The following CCSER1 variants were observed in gnomAD, a reference collection of about 807,000 sequenced individuals.
CCSER1 encodes coiled-coil serine rich protein 1.
In CCSER1, 41 loss-of-function variants were observed where a neutral mutation model predicts 82.0. The ratio of observed to expected loss-of-function variants is 0.50; its 90% CI spans 0.39 to 0.65. The LOEUF (loss-of-function observed/expected upper bound fraction) is 0.65, where lower values mean the gene tolerates loss of function less well. Among genes scored for constraint, CCSER1 ranks in the 30% least tolerant of loss-of-function variants. The pLI is 0.00. For synonymous variants in CCSER1, 414 were observed against 383.9 expected (o/e 1.08, Z -0.92); for missense variants, 1,119 against 1,064.2 (o/e 1.05, Z -0.72).
chr4:90,671,155 ATG>A (rs1732723850), intron 6 of CCSER1, among the ~76,000 whole-genome samples: 1 of 152,034 alleles, frequency 6.6e-6, no homozygotes, highest in East Asian at 1.9e-4. Flanking sequence ...CTTGATGTTG[ATG>A]GCTGCTGATA....
At chr4:90,689,952 C>T (rs1292878116) in intron 6 of CCSER1, among the ~76,000 whole-genome samples, 1 of 152,044 alleles carries the variant, frequency 6.6e-6, no homozygotes, top group Non-Finnish European at 1.5e-5. Context: ...GGGGAGAGGA[C>T]ATCAGTATGC....
rs117366180 is a variant in CCSER1, at chr4:91,220,138, C to T, written c.2217+134144C>T. Among the ~76,000 whole-genome samples, 39 of 152,294 alleles carry T rather than the reference C, an allele frequency of 2.6e-4. No individual in the cohort carries two copies. The East Asian group carries it at 7.0e-3, about 27-fold the overall frequency. ...TTGAACTATACTGGGCATGTTAAAA[C>T]GTAGGCCAAAGGTAGCAAGTGACAG... On this transcript the variant is annotated intron_variant, in intron 10 of 10. Transcript: ENST00000509176.
At chr4:90,576,090 C>T (rs978700664) in intron 5 of CCSER1, among the ~76,000 whole-genome samples, 2 of 151,598 alleles carry the variant, frequency 1.3e-5, no homozygotes, top group African/African-American at 2.4e-5. Flanking sequence ...GGGTTGTCTT[C>T]GTTTTGCTTA....
chr4:91,094,375 G>C (rs1305392652), intron 10 of CCSER1, among the ~76,000 whole-genome samples: 1 of 152,188 alleles, frequency 6.6e-6, no homozygotes, highest in Non-Finnish European at 1.5e-5. Flanking sequence ...CATCCTTCAA[G>C]TCCAGACAAG....
intron 4 of CCSER1, among the ~76,000 whole-genome samples, chr4:90,415,398 T>C (rs1755642450): frequency 1.3e-5 from 2 of 152,200 alleles, no homozygotes; most frequent in Admixed American, 1.3e-4. Flanking sequence ...TAAAATCGAT[T>C]AACTTTTTTT....
intron 3 of CCSER1, among the ~76,000 whole-genome samples, chr4:90,352,691 TAC>T (rs375028931): frequency 2.0e-5 from 3 of 150,738 alleles, no homozygotes; most frequent in East Asian, 1.9e-4. Flanking sequence ...TATGTATATA[TAC>T]ACACACACAC....
At chr4:90,227,567 G>A (rs183828491) in intron 1 of CCSER1, among the ~76,000 whole-genome samples, 44 of 152,280 alleles carry the variant, frequency 2.9e-4, no homozygotes, top group Admixed American at 9.2e-4. Flanking sequence ...GGAATTTTCC[G>A]AGCAAGTAGC....
chr4:90,430,013 G>GT (rs1410087671), intron 4 of CCSER1, among the ~76,000 whole-genome samples: 1 of 151,736 alleles, frequency 6.6e-6, no homozygotes, highest in African/African-American at 2.4e-5. Context: ...CAAACCTGAT[G>GT]TTCGTAGAAT....
At chr4:90,410,865 G>C (rs1410921992) in intron 4 of CCSER1, among the ~76,000 whole-genome samples, 1 of 152,114 alleles carries the variant, frequency 6.6e-6, no homozygotes, top group African/African-American at 2.4e-5. Flanking sequence ...CAACAAAATT[G>C]ATAGACCACT....
intron 10 of CCSER1, among the ~76,000 whole-genome samples, chr4:91,427,934 A>C (rs565336316): frequency 6.6e-6 from 1 of 151,982 alleles, no homozygotes; most frequent in Non-Finnish European, 1.5e-5. Flanking sequence ...CCAGGGATAT[A>C]GCTTTTATTT....
At chr4:91,026,880 G>A (rs1237883742) in intron 9 of CCSER1, among the ~76,000 whole-genome samples, 1 of 152,006 alleles carries the variant, frequency 6.6e-6, no homozygotes. Context: ...ATAAAAACTG[G>A]ATGCATTTAC....
intron 5 of CCSER1, among the ~76,000 whole-genome samples, chr4:90,562,528 A>C (rs1346281527): frequency 6.6e-6 from 1 of 152,058 alleles, no homozygotes; most frequent in Non-Finnish European, 1.5e-5. Flanking sequence ...ACACAGATAC[A>C]TTTTATTTTT....
At chr4:90,567,014 A>T (rs1016637299) in intron 5 of CCSER1, among the ~76,000 whole-genome samples, 7 of 110,908 alleles carry the variant, frequency 6.3e-5, no homozygotes, top group African/African-American at 3.8e-4. Context: ...TTGCTTACTT[A>T]AAAAAAAAAA....
chr4:90,599,839 C>A (rs571472265), intron 5 of CCSER1, among the ~76,000 whole-genome samples: 1 of 152,326 alleles, frequency 6.6e-6, no homozygotes, highest in Non-Finnish European at 1.5e-5. Context: ...ATTTCTGTCT[C>A]AGAATTTTCT....
chr4:91,329,753 T>C (rs978685545), intron 10 of CCSER1, among the ~76,000 whole-genome samples: 6 of 152,198 alleles, frequency 3.9e-5, no homozygotes, highest in Admixed American at 1.3e-4. Context: ...TTACCTGCCA[T>C]GAACCTCAAC....
intron 10 of CCSER1, among the ~76,000 whole-genome samples, chr4:91,351,304 GGAAGGTCACT>G (rs1445428419): frequency 6.6e-6 from 1 of 151,882 alleles, no homozygotes; most frequent in Non-Finnish European, 1.5e-5. Flanking sequence ...AAGTGTGACT[GGAAGGTCACT>G]AAATTGTAAG....
intron 10 of CCSER1, among the ~76,000 whole-genome samples, chr4:91,090,317 C>T (rs1723816291): frequency 1.3e-5 from 2 of 152,144 alleles, no homozygotes; most frequent in African/African-American, 4.8e-5. Context: ...GGCTCTATGT[C>T]CACATATCCA....
At chr4:90,157,875 G>A (rs548869715) in intron 1 of CCSER1, among the ~76,000 whole-genome samples, 7 of 152,260 alleles carry the variant, frequency 4.6e-5, no homozygotes, top group East Asian at 3.9e-4. Context: ...CTCTCAACTC[G>A]TCAAAGTCAT....
intron 9 of CCSER1, among the ~76,000 whole-genome samples, chr4:90,998,345 G>T (rs1737690587): frequency 6.6e-6 from 1 of 152,212 alleles, no homozygotes; most frequent in East Asian, 1.9e-4. Context: ...CTCCCAAAGA[G>T]CCGGGATTAC....
Sources: gnomAD v4.1 joint callset for allele counts (sites outside exome capture counted in the v4.1 genomes callset) on GRCh38, gnomAD v4.1.1 for gene constraint, MANE v1.5 for transcripts, NCBI Gene and HGNC (gene_info 2026-07-23, HGNC 2026-07-21) for gene names.